Variants in SYT14 observed in about 807,000 individuals in gnomAD.
The protein encoded by SYT14 is synaptotagmin 14, also known as synaptotagmin-14.
In SYT14, 32 loss-of-function variants were observed where a neutral mutation model predicts 74.2. The observed-to-expected ratio is 0.43, with a 90% CI of 0.33 to 0.58. The LOEUF is 0.58. SYT14 is among the 20% of genes least tolerant of loss of function. The pLI is 0.05. For missense variants in SYT14, 791 were observed against 981.8 expected, an observed-to-expected ratio of 0.81 and a Z score of 2.60; for synonymous variants, 298 against 337.7, an observed-to-expected ratio of 0.88 and a Z score of 1.29.
intron 5 of SYT14, among the ~76,000 whole-genome samples, chr1:210,087,219 G>C (rs1316875246): frequency 6.6e-6 from 1 of 152,046 alleles, no homozygotes; most frequent in Admixed American, 6.6e-5. Flanking sequence ...CCACACTCCA[G>C]GCCACCCTCA....
intron 7 of SYT14, among the ~76,000 whole-genome samples, chr1:210,123,328 G>A (rs1189040508): frequency 1.3e-5 from 2 of 152,164 alleles, no homozygotes; most frequent in African/African-American, 4.8e-5. Flanking sequence ...CATTGTGGGT[G>A]GAGGCTGGTA....
intron 7 of SYT14, among the ~76,000 whole-genome samples, chr1:210,113,767 T>G (rs1284789092): frequency 6.6e-6 from 1 of 150,924 alleles, no homozygotes; most frequent in Non-Finnish European, 1.5e-5. Flanking sequence ...AGCAGATAAT[T>G]TAGTTGAAAT....
intron 5 of SYT14, among the ~76,000 whole-genome samples, chr1:210,069,869 T>C (rs868612824): frequency 1.3e-5 from 2 of 151,938 alleles, no homozygotes; most frequent in African/African-American, 2.4e-5. Flanking sequence ...AACGTGATAG[T>C]GTGCAAAATT....
intron 7 of SYT14, among the ~76,000 whole-genome samples, chr1:210,128,455 G>A (rs748630455): frequency 1.8e-4 from 27 of 151,312 alleles, no homozygotes; most frequent in Non-Finnish European, 3.2e-4. Flanking sequence ...GCAAACAAAA[G>A]TTTGCAACTC....
At chr1:210,116,887 G>T in intron 7 of SYT14, among the ~76,000 whole-genome samples, 1 of 152,106 alleles carries the variant, frequency 6.6e-6, no homozygotes, top group South Asian at 2.1e-4. Flanking sequence ...TTCTTATTCA[G>T]TTTCATATAA....
chr1:210,023,735 G>A (rs2102964235), intron 5 of SYT14, among the ~76,000 whole-genome samples: 1 of 152,316 alleles, frequency 6.6e-6, no homozygotes, highest in Non-Finnish European at 1.5e-5. Flanking sequence ...GTCTAATGGG[G>A]TCTAGGTGAG....
At chr1:210,128,148 C>T (rs768106249) in intron 7 of SYT14, among the ~76,000 whole-genome samples, 5 of 152,076 alleles carry the variant, frequency 3.3e-5, no homozygotes, top group Non-Finnish European at 7.4e-5. Context: ...TGAGGCAGGA[C>T]GATCGCTTGA....
intron 7 of SYT14, among the ~76,000 whole-genome samples, chr1:210,114,550 T>A (rs1415883372): frequency 6.6e-6 from 1 of 151,290 alleles, no homozygotes; most frequent in Non-Finnish European, 1.5e-5. Context: ...TTCTGACCCT[T>A]CAGGGTCTGG....
intron 2 of SYT14, chr1:209,953,018 G>A (rs755826165): frequency 1.4e-6 from 2 of 1,417,564 alleles, no homozygotes; most frequent in African/African-American, 1.4e-5. Context: ...TGGTGAAGAG[G>A]CAAAGAATGG....
At chr1:210,126,736 C>A (rs2082578228) in intron 7 of SYT14, among the ~76,000 whole-genome samples, 1 of 152,026 alleles carries the variant, frequency 6.6e-6, no homozygotes, top group Non-Finnish European at 1.5e-5. Context: ...ATATTATGAC[C>A]AAAATAATTT....
At chr1:210,165,355 T>C (rs1291602816) in exon 10 of SYT14, 1 of 152,174 alleles carries the variant, frequency 6.6e-6, no homozygotes, top group Non-Finnish European at 1.5e-5. Flanking sequence ...AGAAATTTTT[T>C]TTCTTCTCAG....
chr1:210,036,390 G>A (rs890525321), intron 5 of SYT14, among the ~76,000 whole-genome samples: 1 of 151,922 alleles, frequency 6.6e-6, no homozygotes, highest in Non-Finnish European at 1.5e-5. Flanking sequence ...GAGATAATTT[G>A]ACTTACTATT....
chr1:210,016,913 A>T (rs1022879833), exon 4 of SYT14: 16 of 1,231,654 alleles, frequency 1.3e-5, no homozygotes, highest in Non-Finnish European at 1.6e-5. Context: ...AAAAGAAGAC[A>T]TACATCCAGC....
intron 5 of SYT14, among the ~76,000 whole-genome samples, chr1:210,064,556 G>C (rs2081263224): frequency 6.6e-6 from 1 of 151,928 alleles, no homozygotes; most frequent in Non-Finnish European, 1.5e-5. Context: ...ATTTCATTTA[G>C]CATAATGTCT....
At chr1:210,152,444 G>A (rs762063008) in intron 7 of SYT14, among the ~76,000 whole-genome samples, 1 of 151,992 alleles carries the variant, frequency 6.6e-6, no homozygotes, top group Non-Finnish European at 1.5e-5. Flanking sequence ...TTAATTCATG[G>A]ATTGGATCTC....
intron 2 of SYT14, among the ~76,000 whole-genome samples, chr1:209,990,900 G>A (rs887649909): frequency 6.6e-6 from 1 of 152,028 alleles, no homozygotes; most frequent in South Asian, 2.1e-4. Flanking sequence ...ATACTGCAAG[G>A]TGTTAGTAAC....
At chr1:210,124,378 T>A (rs1433017550) in intron 7 of SYT14, among the ~76,000 whole-genome samples, 21 of 152,080 alleles carry the variant, frequency 1.4e-4, no homozygotes, top group Non-Finnish European at 8.8e-5. Context: ...TAACAGGTGA[T>A]TCATAAAGAA....
chr1:210,094,981 A>G (rs1211806451), intron 6 of SYT14, among the ~76,000 whole-genome samples: 3 of 152,174 alleles, frequency 2.0e-5, no homozygotes, highest in Non-Finnish European at 4.4e-5. Context: ...GTCTTTCAAA[A>G]TAATCTTATT....
chr1:210,009,760 A>G lies in SYT14; in HGVS notation c.-485-3873A>G, dbSNP rs142815576. On this transcript the variant is annotated intron_variant, in intron 2 of 9. Transcript: ENST00000637265. ...AATATTCTGTTGGCATTTCCAGTGTAGCATGTCAAAAACTAAATTAATTAT... is the reference window on the plus strand; with the variant it reads ...AATATTCTGTTGGCATTTCCAGTGTGGCATGTCAAAAACTAAATTAATTAT... Among the ~76,000 whole-genome samples the G allele has an allele frequency of 1.2e-4, 19 of 152,238 alleles. No homozygotes were observed. The East Asian group carries it at 3.7e-3, about 29-fold the overall frequency.
Sources: gnomAD v4.1 joint callset for allele counts (sites outside exome capture counted in the v4.1 genomes callset) on GRCh38, gnomAD v4.1.1 for gene constraint, MANE v1.5 for transcripts, NCBI Gene and HGNC (gene_info 2026-07-23, HGNC 2026-07-21) for gene names.